The following CCDC148 variants were observed in gnomAD, a reference collection of about 807,000 sequenced individuals.
CCDC148 encodes the protein coiled-coil domain containing 148.
A neutral mutation model predicts 85.7 loss-of-function variants in CCDC148; 89 were observed. That is an observed-to-expected ratio of 1.04 (90% CI 0.87 to 1.24). The LOEUF is 1.24. Among genes scored for constraint, CCDC148 ranks in the 50% most tolerant of loss-of-function variants. The probability of loss-of-function intolerance (pLI) is 0.00; values close to 1 mark genes in which losing one functional copy is unlikely to be tolerated. For synonymous variants in CCDC148, 230 were observed against 213.9 expected, an observed-to-expected ratio of 1.08 and a Z score of -0.66; for missense variants, 692 against 671.7, an observed-to-expected ratio of 1.03 and a Z score of -0.33.
chr2:158,393,575 TAG>T (rs1347660188), intron 1 of CCDC148, among the ~76,000 whole-genome samples: 2 of 152,028 alleles, frequency 1.3e-5, no homozygotes, highest in Non-Finnish European at 2.9e-5. Context: ...AGCTACAGGT[TAG>T]GGGGCCAAGT....
At chr2:158,381,675 A>C (rs13386083) in intron 1 of CCDC148, among the ~76,000 whole-genome samples, 8,764 of 152,198 alleles carry the variant, frequency 0.058, 476 homozygotes, top group African/African-American at 0.14. Flanking sequence ...CTCCAGTAAC[A>C]CATGTTAGAA....
At chr2:158,451,118 C>T (rs1688389017) in intron 1 of CCDC148, among the ~76,000 whole-genome samples, 1 of 152,070 alleles carries the variant, frequency 6.6e-6, no homozygotes, top group South Asian at 2.1e-4. Context: ...TTATATTTTT[C>T]AACTCTAAAA....
rs568513342 is a variant in CCDC148, at chr2:158,353,865, A to T, written c.147+4584T>A. Among the ~76,000 whole-genome samples, 117 of 152,324 alleles carry T rather than the reference A, an allele frequency of 7.7e-4. 1 individual carries two copies. Among genetic ancestry groups the T allele is most frequent in the South Asian group, 4.8e-3 (23 of 4,830 alleles). The stretch of plus-strand genomic sequence containing the variant: ...CAGCAAATGTAAAAGAACAGAAATT[A>T]TAACAAACTATCTCTCAGACCACAG... On this transcript the variant is annotated intron_variant, in intron 2 of 13. Transcript: ENST00000283233.
intron 11 of CCDC148, chr2:158,207,578 G>A (rs1256092790): frequency 6.6e-6 from 1 of 152,224 alleles, no homozygotes; most frequent in Admixed American, 6.5e-5. Flanking sequence ...TTTACCTTTT[G>A]GGGTCTGTCA....
chr2:158,206,812 T>C (rs115164422), intron 11 of CCDC148, among the ~76,000 whole-genome samples: 1,579 of 152,220 alleles, frequency 0.01, 31 homozygotes, highest in African/African-American at 0.036. Context: ...TTTAAAGAAG[T>C]AGGTGGGAGT....
At chr2:158,327,095 A>C (rs528459357) in intron 7 of CCDC148, among the ~76,000 whole-genome samples, 45 of 152,246 alleles carry the variant, frequency 3.0e-4, no homozygotes, top group African/African-American at 1.1e-3. Context: ...ATCTTTCACT[A>C]CTGCAATGAA....
At chr2:158,433,086 A>ATATAT (rs1339318961) in intron 1 of CCDC148, among the ~76,000 whole-genome samples, 1 of 97,516 alleles carries the variant, frequency 1.0e-5, no homozygotes, top group Non-Finnish European at 2.3e-5. Flanking sequence ...AAAAAAAAAA[A>ATATAT]AAAAAATATA....
intron 11 of CCDC148, among the ~76,000 whole-genome samples, chr2:158,197,762 G>A (rs1354062865): frequency 6.6e-6 from 1 of 151,996 alleles, no homozygotes; most frequent in African/African-American, 2.4e-5. Context: ...CCACTCTAAT[G>A]ATAGATACAG....
chr2:158,267,657 T>G (rs1409124944), intron 9 of CCDC148, among the ~76,000 whole-genome samples: 3 of 152,178 alleles, frequency 2.0e-5, no homozygotes, highest in Admixed American at 6.6e-5. Context: ...GTCATTGATC[T>G]CTAAAAGAAT....
chr2:158,181,782 G>A (rs1190602394), intron 11 of CCDC148, among the ~76,000 whole-genome samples: 3 of 152,048 alleles, frequency 2.0e-5, no homozygotes, highest in Non-Finnish European at 4.4e-5. Flanking sequence ...AAGAACTGAA[G>A]CTAGAGAAGC....
intron 11 of CCDC148, among the ~76,000 whole-genome samples, chr2:158,208,552 C>T (rs780840256): frequency 8.5e-5 from 13 of 152,070 alleles, no homozygotes; most frequent in South Asian, 2.1e-4. Context: ...CAGGGTGGCA[C>T]GACAGGAACA....
intron 1 of CCDC148, among the ~76,000 whole-genome samples, chr2:158,432,872 G>A (rs1320224322): frequency 4.0e-5 from 6 of 151,524 alleles, no homozygotes; most frequent in South Asian, 2.1e-4. Flanking sequence ...TTAGGAGTTC[G>A]ACACCAGCCT....
intron 1 of CCDC148, among the ~76,000 whole-genome samples, chr2:158,430,787 G>A (rs146206985): frequency 9.9e-4 from 151 of 151,894 alleles, no homozygotes; most frequent in African/African-American, 3.4e-3. Flanking sequence ...ACAGAGAAAT[G>A]GCAAAAATGA....
At chr2:158,202,248 C>T (rs56209587) in intron 11 of CCDC148, among the ~76,000 whole-genome samples, 14,635 of 152,092 alleles carry the variant, frequency 0.096, 925 homozygotes, top group African/African-American at 0.18. Flanking sequence ...AATTAATTAA[C>T]GTATGTATCT....
At chr2:158,396,791 T>C (rs542758301) in intron 1 of CCDC148, among the ~76,000 whole-genome samples, 13 of 152,202 alleles carry the variant, frequency 8.5e-5, no homozygotes, top group Non-Finnish European at 1.2e-4. Context: ...ACAATGATGA[T>C]GACTACTACT....
At position 158,342,100 on chromosome 2, in the gene CCDC148, A is replaced by G. The variant is rs374483910; in HGVS notation, c.252-1420T>C. Among the ~76,000 whole-genome samples, 12 of 130,452 alleles carry G rather than the reference A, an allele frequency of 9.2e-5. 2 individuals carry two copies. In the Admixed American group the frequency reaches 9.6e-4, roughly 10 times the overall value. The allele number at this position is 130,452 out of a possible 152,430, so 85.6% of individuals were successfully genotyped here. A position where few individuals can be genotyped will look rare whatever the true frequency, so the allele number is the denominator to read the frequency against. ...GCTGAAGTGCAATGGCGTGATCTCG[A>G]CTCATTGCAACCTCCACCTCCCAGG... is the stretch of plus-strand genomic sequence containing the variant. On this transcript the variant is annotated intron_variant, in intron 3 of 13. Coordinates refer to ENST00000283233, the MANE Select transcript of CCDC148 (RefSeq NM_138803.4).
intron 11 of CCDC148, among the ~76,000 whole-genome samples, chr2:158,185,535 A>T (rs1171213555): frequency 6.6e-6 from 1 of 152,126 alleles, no homozygotes; most frequent in Non-Finnish European, 1.5e-5. Flanking sequence ...GTTGATTTTA[A>T]TCAGTTCTAA....
chr2:158,435,912 A>C (rs896502763), intron 1 of CCDC148, among the ~76,000 whole-genome samples: 22 of 152,372 alleles, frequency 1.4e-4, no homozygotes, highest in African/African-American at 3.4e-4. Flanking sequence ...GGATCAATTC[A>C]ACAAGAAGAG....
intron 9 of CCDC148, among the ~76,000 whole-genome samples, chr2:158,299,811 G>C (rs1158786719): frequency 6.6e-6 from 1 of 152,152 alleles, no homozygotes; most frequent in Admixed American, 6.6e-5. Context: ...TGTGGAGAAG[G>C]GGGGAATTAT....
Sources: gnomAD v4.1 joint callset for allele counts (sites outside exome capture counted in the v4.1 genomes callset) on GRCh38, gnomAD v4.1.1 for gene constraint, MANE v1.5 for transcripts, NCBI Gene and HGNC (gene_info 2026-07-23, HGNC 2026-07-21) for gene names.